Variants in BAALC observed in about 807,000 individuals in gnomAD.
BAALC encodes the protein brain and acute leukemia cytoplasmic protein.
BAALC carries 9 observed loss-of-function variants against 15.5 expected under a neutral mutation model. The observed-to-expected ratio is 0.58, with a 90% CI of 0.35 to 1.02. The LOEUF is 1.02. Ranked by LOEUF, BAALC falls within the 50% of genes least tolerant of loss-of-function variation. The probability of loss-of-function intolerance (pLI) is 0.02; values close to 1 mark genes in which losing one functional copy is unlikely to be tolerated. For missense variants in BAALC, 201 were observed against 192.4 expected, an observed-to-expected ratio of 1.04 and a Z score of -0.27; for synonymous variants, 80 against 74.6, an observed-to-expected ratio of 1.07 and a Z score of -0.37.
intron 1 of BAALC, among the ~76,000 whole-genome samples, chr8:103,210,167 T>C (rs1812421154): frequency 6.6e-6 from 1 of 152,096 alleles, no homozygotes; most frequent in South Asian, 2.1e-4. Context: ...AAGGTGGGAA[T>C]GGGAAGAGCA....
intron 1 of BAALC, among the ~76,000 whole-genome samples, chr8:103,142,622 A>T (rs1235212326): frequency 1.6e-4 from 24 of 152,226 alleles, no homozygotes; most frequent in Admixed American, 1.4e-3. Context: ...ATAATAATAA[A>T]AAACAACCAA....
At position 103,228,105 on chromosome 8, in the gene BAALC, A is replaced by G; in HGVS notation, c.*6A>G. The stretch of plus-strand genomic sequence containing the variant: ...CAAAGAACTGTGTCAACTAGCAGAG[A>G]GTCCAAGCAGAAGGGCAGATGGACT... On this transcript the variant is annotated 3_prime_UTR_variant, in exon 3 of 3. Transcript: ENST00000309982. The G allele has an allele frequency of 6.3e-7, 1 of 1,583,288 alleles. No individual in the cohort carries two copies. Among genetic ancestry groups the G allele is most frequent in the African/African-American group, 1.3e-5 (1 of 74,242 alleles).
At chr8:103,217,293 G>A (rs1812580805) in intron 2 of BAALC, among the ~76,000 whole-genome samples, 1 of 152,168 alleles carries the variant, frequency 6.6e-6, no homozygotes, top group South Asian at 2.1e-4. Context: ...TCCCTCAAAG[G>A]CCAACGCAAA....
intron 2 of BAALC, among the ~76,000 whole-genome samples, chr8:103,217,305 G>T (rs17799574): frequency 0.14 from 21,538 of 152,186 alleles, 1,763 homozygotes; most frequent in South Asian, 0.23. Flanking sequence ...CAACGCAAAG[G>T]TTTTCTGTCT....
Position 103,219,874 on chromosome 8 carries a change from C to T in BAALC, c.327+6789C>T, listed in dbSNP as rs117849907. On this transcript the variant is annotated intron_variant, in intron 2 of 2. Transcript: ENST00000309982. ...CTGGAGTTGCAGCTGCCAAAGCTCT[C>T]GTCTTTAATCTTTTGGGAAGGAAGA... is the stretch of plus-strand genomic sequence containing the variant. Among the ~76,000 whole-genome samples the T allele has an allele frequency of 5.3e-5, 8 of 152,292 alleles. No individual in the cohort carries two copies. In the East Asian group the frequency reaches 5.8e-4, roughly 11 times the overall value.
intron 1 of BAALC, among the ~76,000 whole-genome samples, chr8:103,189,505 C>T (rs1037130541): frequency 1.3e-5 from 2 of 152,146 alleles, no homozygotes; most frequent in African/African-American, 4.8e-5. Flanking sequence ...GACAGCCCAG[C>T]TGGGGGGAGA....
intron 2 of BAALC, among the ~76,000 whole-genome samples, chr8:103,222,462 T>G (rs756958661): frequency 6.6e-6 from 1 of 152,168 alleles, no homozygotes; most frequent in Non-Finnish European, 1.5e-5. Flanking sequence ...ACCTATCTGA[T>G]GAGAATTTAT....
At chr8:103,181,473 C>T (rs191633037) in intron 1 of BAALC, among the ~76,000 whole-genome samples, 8 of 152,130 alleles carry the variant, frequency 5.3e-5, no homozygotes, top group South Asian at 2.1e-4. Context: ...GGGGTTTCAC[C>T]ATGTTAGCCA....
intron 1 of BAALC, among the ~76,000 whole-genome samples, chr8:103,154,124 A>G (rs1405099444): frequency 6.6e-6 from 1 of 152,146 alleles, no homozygotes; most frequent in Non-Finnish European, 1.5e-5. Context: ...ACAAGCACAA[A>G]CGAACACAGC....
chr8:103,190,302 C>T (rs1039534693), intron 1 of BAALC, among the ~76,000 whole-genome samples: 7 of 152,156 alleles, frequency 4.6e-5, no homozygotes, highest in African/African-American at 1.4e-4. Flanking sequence ...GAATCTCTCC[C>T]TCACATCTCT....
chr8:103,199,670 T>C (rs1327498437), intron 1 of BAALC, among the ~76,000 whole-genome samples: 1 of 152,082 alleles, frequency 6.6e-6, no homozygotes, highest in East Asian at 1.9e-4. Flanking sequence ...TTTTTTTAAC[T>C]TTTAAGTTCA....
chr8:103,190,170 T>C lies in BAALC; in HGVS notation c.161-22749T>C, dbSNP rs111282809. ...AAATGGCAGAGTCAGGAAGGGGAAC[T>C]GGCTTGAAGGTAACATGGTAAATGC... is the stretch of plus-strand genomic sequence containing the variant. On this transcript the variant is annotated intron_variant, in intron 1 of 2. Transcript: ENST00000309982. Among the ~76,000 whole-genome samples the C allele has an allele frequency of 3.7e-3, 565 of 152,280 alleles. 3 individuals carry two copies. The highest frequency in any genetic ancestry group is 0.012 in the African/African-American group (483 of 41,548).
At chr8:103,221,144 G>C (rs773859250) in intron 2 of BAALC, among the ~76,000 whole-genome samples, 2 of 152,142 alleles carry the variant, frequency 1.3e-5, no homozygotes, top group African/African-American at 2.4e-5. Context: ...AGTCCATCTG[G>C]GTCAGAGACT....
intron 1 of BAALC, among the ~76,000 whole-genome samples, chr8:103,190,317 A>T (rs1811937423): frequency 6.6e-6 from 1 of 152,062 alleles, no homozygotes; most frequent in South Asian, 2.1e-4. Flanking sequence ...ATCTCTCTTA[A>T]ATATCTCTTG....
chr8:103,204,056 C>T (rs573204969), intron 1 of BAALC, among the ~76,000 whole-genome samples: 84 of 152,292 alleles, frequency 5.5e-4, no homozygotes, highest in Middle Eastern at 6.8e-3. Flanking sequence ...ATGAGATTTC[C>T]AAATTCTCTA....
At chr8:103,156,902 C>A (rs1352726074) in intron 1 of BAALC, 2 of 152,216 alleles carry the variant, frequency 1.3e-5, no homozygotes, top group African/African-American at 4.8e-5. Context: ...AGAGAAAGAG[C>A]ACCATTTAAA....
intron 1 of BAALC, among the ~76,000 whole-genome samples, chr8:103,190,684 G>A (rs747847524): frequency 1.3e-4 from 20 of 152,104 alleles, no homozygotes; most frequent in Admixed American, 3.9e-4. Flanking sequence ...GGCACTCCGG[G>A]ACTAGACCAC....
intron 1 of BAALC, among the ~76,000 whole-genome samples, chr8:103,184,639 A>G (rs776593588): frequency 6.6e-6 from 1 of 152,236 alleles, no homozygotes; most frequent in Non-Finnish European, 1.5e-5. Flanking sequence ...TCTCCCAGAT[A>G]GTTCCAGAGA....
chr8:103,173,583 C>T (rs1056713921), intron 1 of BAALC, among the ~76,000 whole-genome samples: 11 of 152,156 alleles, frequency 7.2e-5, no homozygotes, highest in Non-Finnish European at 1.5e-4. Context: ...CAGGAATTTG[C>T]TGACTGTCAC....
Sources: allele counts gnomAD v4.1 joint callset (sites outside exome capture counted in the v4.1 genomes callset), GRCh38; gene constraint gnomAD v4.1.1; transcripts MANE v1.5; gene names NCBI Gene and HGNC (gene_info 2026-07-23, HGNC 2026-07-21).